Variants in LAT2 observed in about 807,000 individuals in gnomAD.
LAT2 encodes linker for activation of T cells family member 2.
In LAT2, 23 loss-of-function variants were observed where a neutral mutation model predicts 43.4. The observed-to-expected ratio is 0.53, with a 90% confidence interval of 0.38 to 0.75. The LOEUF (loss-of-function observed/expected upper bound fraction) is 0.75, where lower values mean the gene tolerates loss of function less well. LAT2 is among the 30% of genes least tolerant of loss of function. The probability of loss-of-function intolerance (pLI) is 0.00; values close to 1 mark genes in which losing one functional copy is unlikely to be tolerated. For missense variants in LAT2, 284 were observed against 310.2 expected (o/e 0.92, Z 0.64); for synonymous variants, 128 against 123.2 (o/e 1.04, Z -0.26).
At chr7:74,214,773 ATAAATATATATATATATATTT>A (rs1563968768) in intron 1 of LAT2, 28 bp from the exon 2 acceptor site, 9 of 27,154 alleles carry the variant, frequency 3.3e-4, no homozygotes, top group African/African-American at 1.2e-3. Context: ...ACATATATAT[ATAAATATATATATATATATTT>A]TTTTTTTTTT....
At chr7:74,225,817 G>C (rs1055669715) in intron 13 of LAT2, 19 of 152,394 alleles carry the variant, frequency 1.2e-4, no homozygotes, top group African/African-American at 4.3e-4. Flanking sequence ...GAACCTGGGT[G>C]GTCAAGAGTC....
In LAT2 at chr7:74,220,498, G is replaced by A. The variant is rs1802225240; in HGVS notation, c.266-86G>A. ...TGCAAAGGCTCAGACACGGGAAATAGCTGGCCCTGCCTTGGGCTGCAGCAC... is the reference window on the plus strand; with the variant it reads ...TGCAAAGGCTCAGACACGGGAAATAACTGGCCCTGCCTTGGGCTGCAGCAC... On this transcript the variant is annotated intron_variant, in intron 7 of 13. Coordinates refer to ENST00000460943, the MANE Select transcript of LAT2 (RefSeq NM_032464.3). The surrounding 1 kb of genome is among the most constrained non-coding windows in gnomAD (Gnocchi z 4.5). The A allele has an allele frequency of 1.2e-5, 19 of 1,547,776 alleles. No individual in the cohort carries two copies. Among genetic ancestry groups the A allele is most frequent in the African/African-American group, 1.2e-4 (9 of 73,640 alleles).
At chr7:74,218,189 AC>A (rs1433829083) in intron 4 of LAT2, among the ~76,000 whole-genome samples, 1 of 151,896 alleles carries the variant, frequency 6.6e-6, no homozygotes, top group East Asian at 1.9e-4. Flanking sequence ...TCCATCTGTC[AC>A]CTCGGTTGGG....
intron 10 of LAT2, 77 bp from the exon 11 acceptor site, chr7:74,223,647 C>A: frequency 1.4e-6 from 2 of 1,381,990 alleles, no homozygotes; most frequent in South Asian, 1.2e-5. Context: ...AAAGGGAAGG[C>A]AGGACAGAGC....
chr7:74,219,739 T>C lies in LAT2; in HGVS notation c.135-5T>C, dbSNP rs782086775. 4 of 1,614,098 alleles carry C rather than the reference T, an allele frequency of 2.5e-6. No homozygotes were observed. The highest frequency in any genetic ancestry group is 3.3e-5 in the Admixed American group (2 of 60,026). ...CCAGGCTCAGCACAGCCCATGCATT[T>C]CCAGGCGTGAGGACCAACAGAGCTT... On this transcript the variant is annotated splice_polypyrimidine_tract_variant and splice_region_variant and intron_variant, in intron 4 of 13. Coordinates refer to ENST00000460943, the MANE Select transcript of LAT2 (RefSeq NM_032464.3).
intron 13 of LAT2, among the ~76,000 whole-genome samples, chr7:74,227,344 C>T (rs904209990): frequency 2.0e-5 from 3 of 152,026 alleles, no homozygotes; most frequent in East Asian, 1.9e-4. Context: ...CTCAGCCTCC[C>T]GAGTAGCTGG....
chr7:74,224,993 C>G (rs1425953489), intron 13 of LAT2: 1 of 374,262 alleles, frequency 2.7e-6, no homozygotes, highest in Non-Finnish European at 4.9e-6. Context: ...AAGTGGGCAC[C>G]GGGTGGGTCT....
At chr7:74,218,687 C>G (rs571671776) in intron 4 of LAT2, among the ~76,000 whole-genome samples, 71 of 152,220 alleles carry the variant, frequency 4.7e-4, no homozygotes, top group African/African-American at 1.7e-3. Context: ...TAGGAATAGT[C>G]TATTATTTAT....
intron 1 of LAT2, among the ~76,000 whole-genome samples, chr7:74,214,110 A>C (rs1217804573): frequency 8.8e-6 from 1 of 113,258 alleles, no homozygotes; most frequent in South Asian, 2.4e-4. Context: ...AAATATATAT[A>C]TGAAAATATA....
chr7:74,226,720 G>A (rs1343397383), intron 13 of LAT2, among the ~76,000 whole-genome samples: 1 of 152,094 alleles, frequency 6.6e-6, no homozygotes, highest in African/African-American at 2.4e-5. Context: ...AAGTCTGGCA[G>A]AGAGAAACAA....
intron 1 of LAT2, among the ~76,000 whole-genome samples, chr7:74,210,980 C>T (rs1304698268): frequency 8.5e-5 from 13 of 152,058 alleles, no homozygotes; most frequent in Admixed American, 1.3e-4. Context: ...TCCTTCCAGG[C>T]GGGATTCAGA....
At chr7:74,223,181 C>A (rs1348615521) in intron 10 of LAT2, among the ~76,000 whole-genome samples, 2 of 152,196 alleles carry the variant, frequency 1.3e-5, no homozygotes, top group Non-Finnish European at 2.9e-5. Context: ...CCGCAGAGTA[C>A]CCCCTCCAGA....
Position 74,229,413 on chromosome 7 carries a change from G to C in LAT2, c.*488G>C, listed in dbSNP as rs1802609705. 1.3e-5 allele frequency: 2 copies of C among 152,682 alleles called. No homozygotes were observed. The highest frequency in any genetic ancestry group is 4.1e-4 in the South Asian group (2 of 4,834). The allele number at this position is 152,682 out of a possible 1,614,324, so 9.5% of individuals were successfully genotyped here. A position where few individuals can be genotyped will look rare whatever the true frequency, so the allele number is the denominator to read the frequency against. On this transcript the variant is annotated 3_prime_UTR_variant, in exon 14 of 14. Transcript: ENST00000460943. ...ATTTAACATTCTGGATTTCAGAGTAGAGATTTCTGTGTTGTCTCCTAGAAA... is the reference window on the plus strand; with the variant it reads ...ATTTAACATTCTGGATTTCAGAGTACAGATTTCTGTGTTGTCTCCTAGAAA...
rs1460161452 is a variant in LAT2 at position 74,219,678 on chromosome 7, C to T, written c.135-66C>T. On this transcript the variant is annotated intron_variant, in intron 4 of 13. Transcript: ENST00000460943. ...TCCTCATCCCTGCCTGTCCCTCCCT[C>T]CTGTCCCTGTGTTCTTGGGCTGTGG... 12 of 1,594,186 alleles carry T rather than the reference C, an allele frequency of 7.5e-6. No individual in the cohort carries two copies. The African/African-American group carries it at 1.6e-4, about 21-fold the overall frequency.
At chr7:74,227,932 T>C (rs1158032926) in intron 13 of LAT2, among the ~76,000 whole-genome samples, 2 of 150,628 alleles carry the variant, frequency 1.3e-5, no homozygotes, top group Non-Finnish European at 3.0e-5. Context: ...TCCCAGCACT[T>C]TGGGAGGCTG....
At chr7:74,213,910 C>T (rs1218283122) in intron 1 of LAT2, among the ~76,000 whole-genome samples, 17 of 150,902 alleles carry the variant, frequency 1.1e-4, no homozygotes, top group African/African-American at 4.1e-4. Flanking sequence ...ACCCCACCAC[C>T]CTCAACTCTG....
chr7:74,215,697 G>C (rs1004121385), intron 2 of LAT2, among the ~76,000 whole-genome samples: 18 of 152,182 alleles, frequency 1.2e-4, no homozygotes, highest in African/African-American at 4.1e-4. Context: ...TGCACATGGG[G>C]CTGTCTTGTG....
At chr7:74,213,510 C>T (rs1584205781) in intron 1 of LAT2, among the ~76,000 whole-genome samples, 1 of 150,668 alleles carries the variant, frequency 6.6e-6, no homozygotes, top group African/African-American at 2.4e-5. Flanking sequence ...CTGCAACCTC[C>T]ACCTCCTAGG....
chr7:74,223,746 G>T lies in LAT2; in HGVS notation c.411G>T (p.Glu137Asp). The T allele has an allele frequency of 1.9e-6, 3 of 1,613,962 alleles. No homozygotes were observed. The highest frequency in any genetic ancestry group is 1.7e-4 in the Middle Eastern group (1 of 6,060). Residue 137 changes from glutamate to aspartate, a missense_variant, in exon 11 of 14, where the codon GAG becomes GAT. Coordinates refer to ENST00000460943, the MANE Select transcript of LAT2 (RefSeq NM_032464.3). ...PPEDDDANSY[E>D]NVLICKQKTT... ...CAGATGATGATGCCAATTCCTACGA[G>T]AATGTGCTCATTTGCAAGCAGAAAA...
Sources: allele counts gnomAD v4.1 joint callset (sites outside exome capture counted in the v4.1 genomes callset), GRCh38; gene constraint gnomAD v4.1.1; non-coding constraint Gnocchi (gnomAD v3.1); transcripts MANE v1.5; gene names NCBI Gene and HGNC (gene_info 2026-07-23, HGNC 2026-07-21).